Variants in MDN1 observed in about 807,000 individuals in gnomAD.
The protein encoded by MDN1 is midasin.
Under a neutral mutation model 669.2 loss-of-function variants are expected in MDN1, and 266 were observed. That is an observed-to-expected ratio of 0.40 (90% CI 0.36 to 0.44). The LOEUF (loss-of-function observed/expected upper bound fraction) is 0.44, where lower values mean the gene tolerates loss of function less well. Among genes scored for constraint, MDN1 ranks in the 20% least tolerant of loss-of-function variants. MDN1 has a pLI of 1.00. For synonymous variants in MDN1, 2,385 were observed against 2,457.1 expected (o/e 0.97, Z 0.87); for missense variants, 5,940 against 6,754.0 (o/e 0.88, Z 4.22).
Position 89,672,190 on chromosome 6 carries a change from A to C in MDN1, c.13794+10T>G. The C allele has an allele frequency of 6.4e-7, 1 of 1,567,008 alleles. No homozygotes were observed. The highest frequency in any genetic ancestry group is 8.6e-7 in the Non-Finnish European group (1 of 1,163,516). On this transcript the variant is annotated intron_variant, in intron 82 of 101. Coordinates refer to ENST00000369393, the MANE Select transcript of MDN1 (RefSeq NM_014611.3). ...GAAGAGGAAGAAGTTTGTAAAGAACAGTTAGTTACCAGGTGCTTTGCTGCT... is the reference window on the plus strand; with the variant it reads ...GAAGAGGAAGAAGTTTGTAAAGAACCGTTAGTTACCAGGTGCTTTGCTGCT...
Position 89,745,370 on chromosome 6 carries a change from CA to C in MDN1, c.4080del (p.Phe1360LeufsTer16). 4 of 1,613,986 alleles carry C rather than the reference CA, an allele frequency of 2.5e-6. No individual in the cohort carries two copies. The highest frequency in any genetic ancestry group is 2.5e-6 in the Non-Finnish European group (3 of 1,179,966). On this transcript the variant is annotated frameshift_variant, in exon 29 of 102. Coordinates refer to ENST00000369393, the MANE Select transcript of MDN1 (RefSeq NM_014611.3). LOFTEE classifies it high-confidence loss of function. ...STQISTLECN[F>X]GHIVWTEGMR... ...ATGCCCTCAGTCCACACGATATGGC[CA>C]AAGTTACACTCCAATGTGGATATCT...
rs1465588381 is a variant in MDN1, at chr6:89,654,175, G to A, written c.15650C>T (p.Thr5217Ile). ...CTAGCAGGACTCACCCAAGGGTGCT[G>A]TGGTGCCCGACTTGATTTCCTCTGG... ...LKPEEIKSGT[T>I]APLGFDEMEV... is the part of the protein sequence containing the mutation. Residue 5217 changes from threonine (T) to isoleucine (I), a missense_variant, in exon 93 of 102, where the codon ACA (threonine) becomes ATA (isoleucine). Transcript: ENST00000369393. The A allele has an allele frequency of 6.2e-7, 1 of 1,614,212 alleles. No homozygotes were observed. The highest frequency in any genetic ancestry group is 1.7e-5 in the Admixed American group (1 of 60,032).
intron 85 of MDN1, among the ~76,000 whole-genome samples, chr6:89,663,941 T>TAAA (rs10716065): frequency 7.1e-6 from 1 of 140,920 alleles, no homozygotes. Context: ...GACTCCGTCT[T>TAAA]AAAAAAAAAA....
rs182290388 is a variant in MDN1, at chr6:89,699,411, T to C, written c.8997+190A>G. Among the ~76,000 whole-genome samples the C allele has an allele frequency of 9.2e-5, 14 of 152,238 alleles. No homozygotes were observed. The East Asian group carries it at 2.7e-3, about 29-fold the overall frequency. On this transcript the variant is annotated intron_variant, in intron 58 of 101. Transcript: ENST00000369393. Reference sequence around the variant, plus strand: ...CAAATGAATACTCCTGTGATAAGAGTTGTAATATACCCTCATAATTACTAT... The same window carrying C: ...CAAATGAATACTCCTGTGATAAGAGCTGTAATATACCCTCATAATTACTAT...
intron 57 of MDN1, 72 bp from the exon 58 acceptor site, chr6:89,699,799 G>T: frequency 6.7e-7 from 1 of 1,496,282 alleles, no homozygotes. Flanking sequence ...TGCTACATTA[G>T]GGAAGGTGTA....
At position 89,725,286 on chromosome 6, in the gene MDN1, C is replaced by A; in HGVS notation, c.5583G>T (p.Lys1861Asn). ...LGMSFQVQHE[K>N]TKIFGCQNPF... The stretch of plus-strand genomic sequence containing the variant: ...GATTCTGACACCCAAAAATCTTCGT[C>A]TTTTCATGCTGCACTTGAAAGCTCA... Residue 1861 changes from lysine to asparagine, a missense_variant, in exon 38 of 102, where the codon AAG becomes AAT. This residue lies in a region of MDN1 where 2,292 missense variants were observed against 2,638.3 expected (regional missense o/e 0.87). Transcript: ENST00000369393. 6.2e-7 allele frequency: 1 copy of A among 1,614,052 alleles called. No homozygotes were observed. Among genetic ancestry groups the A allele is most frequent in the Non-Finnish European group, 8.5e-7 (1 of 1,179,996 alleles).
chr6:89,801,568 T>C (rs759957412), intron 2 of MDN1, among the ~76,000 whole-genome samples: 1 of 152,062 alleles, frequency 6.6e-6, no homozygotes, highest in Non-Finnish European at 1.5e-5. Context: ...GGAGAATCGC[T>C]TAACCTGGGA....
At chr6:89,779,067 A>C (rs544641507) in intron 11 of MDN1, among the ~76,000 whole-genome samples, 1 of 152,108 alleles carries the variant, frequency 6.6e-6, no homozygotes, top group Admixed American at 6.5e-5. Context: ...TATAATACCT[A>C]ATACAAATTA....
Position 89,690,027 on chromosome 6 carries a change from T to C in MDN1, c.10866A>G (p.Ala3622=). ...ACAATTGCTGGTGTATCAGCATTACTGCCTGCATTGAATTCTGGGAGAGGA... is the reference window on the plus strand; with the variant it reads ...ACAATTGCTGGTGTATCAGCATTACCGCCTGCATTGAATTCTGGGAGAGGA... ...PALLSQNSMQ[A]VMLIHQQLCL... The change falls in exon 65 of 102, where the codon GCA becomes GCG. Residue 3622 remains alanine (A), a synonymous_variant. Transcript: ENST00000369393. 1 of 1,614,204 alleles carries C rather than the reference T, an allele frequency of 6.2e-7. No individual in the cohort carries two copies. Among genetic ancestry groups the C allele is most frequent in the Non-Finnish European group, 8.5e-7 (1 of 1,180,038 alleles).
chr6:89,780,257 G>T lies in MDN1; in HGVS notation c.1680C>A (p.Ser560Arg). 1 of 1,589,276 alleles carries T rather than the reference G, an allele frequency of 6.3e-7. No individual in the cohort carries two copies. Among genetic ancestry groups the T allele is most frequent in the Non-Finnish European group, 8.5e-7 (1 of 1,170,366 alleles). ...ATGCTGATAAAGATGAACTGTCAAA[G>T]CTATGGGCAATCCTATTACACCAAT... ...LLNWCNRIAH[S>R]FDSSSLSASL... The change falls in exon 11 of 102, where the codon AGC becomes AGA. Residue 560 changes from serine to arginine, a missense_variant. Transcript: ENST00000369393.
intron 83 of MDN1, 138 bp from the exon 84 acceptor site, chr6:89,668,289 TACAGGAG>T (rs745546634): frequency 2.9e-6 from 3 of 1,044,480 alleles, no homozygotes; most frequent in Non-Finnish European, 4.1e-6. Flanking sequence ...CCGCTGGAAG[TACAGGAG>T]ACTTCTGACA....
intron 53 of MDN1, among the ~76,000 whole-genome samples, chr6:89,703,960 C>T (rs1421730181): frequency 7.4e-6 from 1 of 135,152 alleles, no homozygotes; most frequent in Non-Finnish European, 1.5e-5. Flanking sequence ...TTGCAGTGAG[C>T]AAAGATGGCA....
chr6:89,795,751 C>A (rs1475468842), intron 2 of MDN1, among the ~76,000 whole-genome samples: 1 of 151,992 alleles, frequency 6.6e-6, no homozygotes, highest in African/African-American at 2.4e-5. Context: ...GTCAGGAGTT[C>A]TAGACAGCTG....
chr6:89,812,444 T>C (rs1264316345), intron 1 of MDN1, among the ~76,000 whole-genome samples: 4 of 152,088 alleles, frequency 2.6e-5, no homozygotes, highest in Admixed American at 2.6e-4. Flanking sequence ...CCAAAAATAC[T>C]AACCAATTCC....
chr6:89,684,723 C>T lies in MDN1; in HGVS notation c.11829+153G>A, dbSNP rs556877442. Reference sequence around the variant, plus strand: ...AGGTGACAAAAGAAGCCAATGCCACCGATGTACATATTGCCATCCTCCCTA... The same window carrying T: ...AGGTGACAAAAGAAGCCAATGCCACTGATGTACATATTGCCATCCTCCCTA... On this transcript the variant is annotated intron_variant, in intron 71 of 101. Coordinates refer to ENST00000369393, the MANE Select transcript of MDN1 (RefSeq NM_014611.3). 5.1e-4 allele frequency among the ~76,000 whole-genome samples: 78 copies of T among 152,286 alleles called. 1 individual carries two copies. The highest frequency in any genetic ancestry group is 1.8e-3 in the African/African-American group (75 of 41,546).
At chr6:89,751,128 A>G (rs1192920183) in intron 23 of MDN1, among the ~76,000 whole-genome samples, 1 of 152,228 alleles carries the variant, frequency 6.6e-6, no homozygotes, top group Non-Finnish European at 1.5e-5. Context: ...CATTTGTAAG[A>G]AACTGTAAGT....
In MDN1 at chr6:89,797,563, T is replaced by C. The variant is rs146366359; in HGVS notation, c.330-2762A>G. 2.7e-5 allele frequency: 9 copies of C among 339,540 alleles called. No homozygotes were observed. In the East Asian group the frequency reaches 8.3e-4, roughly 31 times the overall value. 21.0% of individuals were successfully genotyped at this position (339,540 alleles called of 1,614,324 possible). On this transcript the variant is annotated intron_variant, in intron 2 of 101. Coordinates refer to ENST00000369393, the MANE Select transcript of MDN1 (RefSeq NM_014611.3). Reference sequence around the variant, plus strand: ...GGAGGCAGGGGAGCCCAGCTGGAGCTGTGGCCAGTACAGTAGTAGCAGTTG... The same window carrying C: ...GGAGGCAGGGGAGCCCAGCTGGAGCCGTGGCCAGTACAGTAGTAGCAGTTG...
intron 50 of MDN1, among the ~76,000 whole-genome samples, chr6:89,708,985 A>AAAC (rs1274394488): frequency 6.6e-6 from 1 of 151,886 alleles, no homozygotes; most frequent in Non-Finnish European, 1.5e-5. Context: ...TAGCTTAAAA[A>AAAC]AAAAAAAAAA....
intron 5 of MDN1, 115 bp from the exon 6 acceptor site, chr6:89,790,516 T>A (rs1354449816): frequency 7.8e-6 from 10 of 1,273,902 alleles, no homozygotes; most frequent in African/African-American, 6.0e-5. Context: ...AGTAAATTAG[T>A]AGTACCAAAA....
Sources: gnomAD v4.1 joint callset for allele counts (sites outside exome capture counted in the v4.1 genomes callset) on GRCh38, gnomAD v4.1.1 for gene constraint, gnomAD v4.1.1 regional missense constraint, MANE v1.5 for transcripts, NCBI Gene and HGNC (gene_info 2026-07-23, HGNC 2026-07-21) for gene names.